Variants in CCHCR1 observed in about 807,000 individuals in gnomAD.
CCHCR1 encodes coiled-coil alpha-helical rod protein 1.
In CCHCR1, 91 loss-of-function variants were observed where a neutral mutation model predicts 114.6. That is an observed-to-expected ratio of 0.79 (90% confidence interval 0.67 to 0.94). CCHCR1 has a LOEUF of 0.94. Among genes scored for constraint, CCHCR1 ranks in the 40% least tolerant of loss-of-function variants. The pLI is 0.00. For synonymous variants in CCHCR1, 379 were observed against 428.5 expected (o/e 0.88, Z 1.43); for missense variants, 899 against 1,079.9 (o/e 0.83, Z 2.35).
chr6:31,151,237 G>A lies in CCHCR1; in HGVS notation c.802-115C>T. ...GAATGACCCAACCAATCAGCCAACTGTGCACAGCAAATGGAGAGCTGGCAA... is the reference window on the plus strand; with the variant it reads ...GAATGACCCAACCAATCAGCCAACTATGCACAGCAAATGGAGAGCTGGCAA... On this transcript the variant is annotated intron_variant, in intron 4 of 17. Coordinates refer to ENST00000396268, the MANE Select transcript of CCHCR1 (RefSeq NM_001105564.2). The surrounding 1 kb of genome is among the most constrained non-coding windows in gnomAD (Gnocchi z 4.1). 1 of 1,136,438 alleles carries A rather than the reference G, an allele frequency of 8.8e-7. No individual in the cohort carries two copies. The highest frequency in any genetic ancestry group is 1.5e-5 in the South Asian group (1 of 65,808). 70.4% of individuals were successfully genotyped at this position (1,136,438 alleles called of 1,614,324 possible).
At chr6:31,146,955 C>T (rs942956105) in intron 10 of CCHCR1, among the ~76,000 whole-genome samples, 1 of 152,082 alleles carries the variant, frequency 6.6e-6, no homozygotes, top group Non-Finnish European at 1.5e-5. Flanking sequence ...TAAATTAGTC[C>T]CTAAGGTACA....
rs372643014 is a variant in CCHCR1, at chr6:31,145,647, C to T, written c.1693+49G>A. On this transcript the variant is annotated intron_variant, in intron 11 of 17. Transcript: ENST00000396268. Reference sequence around the variant, plus strand: ...GAGCTGGGTCAGGAAGAAGAAAGTCCGAGCTGGTGGGGTGGGGGCAGGACG... The same window carrying T: ...GAGCTGGGTCAGGAAGAAGAAAGTCTGAGCTGGTGGGGTGGGGGCAGGACG... 4.3e-5 allele frequency: 65 copies of T among 1,499,448 alleles called. No individual in the cohort carries two copies. The African/African-American group carries it at 8.5e-4, about 20-fold the overall frequency. The allele number at this position is 1,499,448 out of a possible 1,614,324, so 92.9% of individuals were successfully genotyped here. A position where few individuals can be genotyped will look rare whatever the true frequency, so the allele number is the denominator to read the frequency against.
rs1063877 is a variant in CCHCR1, at chr6:31,142,475, G to A, written c.*117C>T. The A allele has an allele frequency of 4.7e-6, 4 of 849,838 alleles. No individual in the cohort carries two copies. The highest frequency in any genetic ancestry group is 4.8e-5 in the Admixed American group (2 of 41,998). The allele number at this position is 849,838 out of a possible 1,614,324, so 52.6% of individuals were successfully genotyped here. A position where few individuals can be genotyped will look rare whatever the true frequency, so the allele number is the denominator to read the frequency against. ...TCGTCTTTATTTAGAGCAGAATTCA[G>A]ACTCAGCTGGTATCCCCCAGGGCAA... On this transcript the variant is annotated 3_prime_UTR_variant, in exon 18 of 18. Coordinates refer to ENST00000396268, the MANE Select transcript of CCHCR1 (RefSeq NM_001105564.2).
At chr6:31,142,877 A>T (rs2150987234) in intron 17 of CCHCR1, 86 bp downstream of exon 17, 1 of 1,518,250 alleles carries the variant, frequency 6.6e-7, no homozygotes. Flanking sequence ...GACCGCAGAG[A>T]ACAACACTCA....
rs781530711 is a variant in CCHCR1, at chr6:31,150,543, C to T, written c.1124G>A (p.Ser375Asn). ...CAGCAGCTCCGCGGTGGCATGCAGG[C>T]TGTCCCGGTCCTCCTGCAAGTGCTG... ...TMQHLQEDRDSLHATAELLQV... is the reference protein window; with the variant it reads ...TMQHLQEDRDNLHATAELLQV... The change falls in exon 7 of 18, where the codon AGC (serine) becomes AAC (asparagine). Residue 375 changes from serine to asparagine, a missense_variant. By Grantham distance (46) the Ser-to-Asn change is conservative. Transcript: ENST00000396268. This position sits in a 1 kb window ranked among gnomAD's most constrained non-coding sequence, Gnocchi z 5.3. The T allele has an allele frequency of 1.9e-5, 31 of 1,612,078 alleles. 1 individual carries two copies. The South Asian group carries it at 3.3e-4, about 17-fold the overall frequency.
intron 17 of CCHCR1, 76 bp downstream of exon 17, chr6:31,142,887 A>C: frequency 6.5e-7 from 1 of 1,529,778 alleles, no homozygotes; most frequent in Non-Finnish European, 8.9e-7. Flanking sequence ...AACAACACTC[A>C]TCATGCGAGA....
intron 10 of CCHCR1, among the ~76,000 whole-genome samples, chr6:31,147,399 C>CA (rs9278998): frequency 0.034 from 4,273 of 126,322 alleles, 152 homozygotes; most frequent in South Asian, 0.056. Context: ...GACTCTGTCT[C>CA]AAAAAAAAAA....
intron 17 of CCHCR1, 97 bp from the exon 18 acceptor site, chr6:31,142,813 G>T: frequency 7.2e-6 from 11 of 1,533,466 alleles, no homozygotes; most frequent in Non-Finnish European, 9.7e-6. Context: ...ATGGGAGAGA[G>T]GAGGCTCTTT....
intron 1 of CCHCR1, 36 bp from the exon 2 acceptor site, chr6:31,157,125 A>G: frequency 6.5e-7 from 1 of 1,536,726 alleles, no homozygotes; most frequent in Middle Eastern, 1.7e-4. Flanking sequence ...CTCCAATTCA[A>G]TTTTCAGGCC....
In CCHCR1 at chr6:31,151,554, TCTG is replaced by T. The variant is rs1292374615; in HGVS notation, c.802-435_802-433del. Reference sequence around the variant, plus strand: ...TGCTCCCCGCTCCGGCCACGGGGAGTCTGCTGAGAACCAGACAGCGGCCCCTCC... The same window carrying T: ...TGCTCCCCGCTCCGGCCACGGGGAGTCTGAGAACCAGACAGCGGCCCCTCC... On this transcript the variant is annotated intron_variant, in intron 4 of 17. Coordinates refer to ENST00000396268, the MANE Select transcript of CCHCR1 (RefSeq NM_001105564.2). This position sits in a 1 kb window ranked among gnomAD's most constrained non-coding sequence, Gnocchi z 4.1. Among the ~76,000 whole-genome samples, 1 of 151,546 alleles carries T rather than the reference TCTG, an allele frequency of 6.6e-6. No homozygotes were observed. The highest frequency in any genetic ancestry group is 1.5e-5 in the Non-Finnish European group (1 of 67,862).
In CCHCR1 at chr6:31,144,349, C is replaced by T. The variant is rs1277869851; in HGVS notation, c.2167+338G>A. Reference sequence around the variant, plus strand: ...AGCTTGGGGTACAGGTGCCCACCACCAGGCCTAGCTAATTTTTGTATTTTT... The same window carrying T: ...AGCTTGGGGTACAGGTGCCCACCACTAGGCCTAGCTAATTTTTGTATTTTT... On this transcript the variant is annotated intron_variant, in intron 15 of 17. Transcript: ENST00000396268. The surrounding 1 kb of genome is among the most constrained non-coding windows in gnomAD (Gnocchi z 4.6). Among the ~76,000 whole-genome samples the T allele has an allele frequency of 6.6e-6, 1 of 152,070 alleles. No individual in the cohort carries two copies. Among genetic ancestry groups the T allele is most frequent in the Admixed American group, 6.6e-5 (1 of 15,262 alleles).
chr6:31,150,797 C>G lies in CCHCR1; in HGVS notation c.1029G>C (p.Gly343=). 6.2e-7 allele frequency: 1 copy of G among 1,613,068 alleles called. No individual in the cohort carries two copies. The highest frequency in any genetic ancestry group is 8.5e-7 in the Non-Finnish European group (1 of 1,180,020). ...TGTGGACCTCAGAAGGCACTTGTTC[C>G]CCAACATATTTTCTTAGATTCTCAA... ...TLVENLRKYV[G]EQVPSEVHSQ... is the part of the protein sequence containing the mutation. Residue 343 remains glycine, a synonymous_variant, in exon 6 of 18, where the codon GGG becomes GGC. Coordinates refer to ENST00000396268, the MANE Select transcript of CCHCR1 (RefSeq NM_001105564.2). The surrounding 1 kb of genome is among the most constrained non-coding windows in gnomAD (Gnocchi z 5.3).
At position 31,143,156 on chromosome 6, in the gene CCHCR1, C is replaced by T. The variant is rs201249201; in HGVS notation, c.2320-22G>A. ...TGGCCTGGGAAGGAGAGGGTTAAAC[C>T]TAGCCCGGATAGAGCCTCCCTCACC... is the stretch of plus-strand genomic sequence containing the variant. On this transcript the variant is annotated intron_variant, in intron 16 of 17. Transcript: ENST00000396268. This position sits in a 1 kb window ranked among gnomAD's most constrained non-coding sequence, Gnocchi z 5.3. 3.7e-5 allele frequency: 59 copies of T among 1,611,960 alleles called. No individual in the cohort carries two copies. The highest frequency in any genetic ancestry group is 4.2e-5 in the Non-Finnish European group (50 of 1,179,498).
chr6:31,154,884 A>G lies in CCHCR1; in HGVS notation c.498-85T>C. 7.7e-7 allele frequency: 1 copy of G among 1,295,754 alleles called. No individual in the cohort carries two copies. Among genetic ancestry groups the G allele is most frequent in the Middle Eastern group, 2.7e-4 (1 of 3,692 alleles). The allele number at this position is 1,295,754 out of a possible 1,614,324, so 80.3% of individuals were successfully genotyped here. On this transcript the variant is annotated intron_variant, in intron 3 of 17. Coordinates refer to ENST00000396268, the MANE Select transcript of CCHCR1 (RefSeq NM_001105564.2). This position sits in a 1 kb window ranked among gnomAD's most constrained non-coding sequence, Gnocchi z 4.1. ...GCATAAACATAGCCAGGAGAAGGAA[A>G]AGAGGACCCCTCTGCTTCCGTGTGG...
rs774151452 is a variant in CCHCR1, at chr6:31,144,721, C to A, written c.2133G>T (p.Arg711Ser). Reference protein sequence around the residue: ...LREQLSDTERRLNEARREHAK... With the variant: ...LREQLSDTERSLNEARREHAK... ...CATGCTCCCTCCGAGCCTCGTTCAG[C>A]CTCCTCTCTGTGTCTGAGAGTTGCT... The change falls in exon 15 of 18, where the codon AGG (arginine) becomes AGT (serine). Residue 711 changes from arginine (R) to serine (S), a missense_variant. By Grantham distance (110) the Arg-to-Ser change is moderately radical. Coordinates refer to ENST00000396268, the MANE Select transcript of CCHCR1 (RefSeq NM_001105564.2). This position sits in a 1 kb window ranked among gnomAD's most constrained non-coding sequence, Gnocchi z 4.6. 1.3e-5 allele frequency: 21 copies of A among 1,613,268 alleles called. No individual in the cohort carries two copies. The highest frequency in any genetic ancestry group is 1.6e-4 in the Middle Eastern group (1 of 6,062).
Position 31,151,209 on chromosome 6 carries a change from A to T in CCHCR1, c.802-87T>A. 2 of 1,433,906 alleles carry T rather than the reference A, an allele frequency of 1.4e-6. No individual in the cohort carries two copies. Among genetic ancestry groups the T allele is most frequent in the Non-Finnish European group, 1.9e-6 (2 of 1,062,148 alleles). The allele number at this position is 1,433,906 out of a possible 1,614,324, so 88.8% of individuals were successfully genotyped here. ...CTTCACTCCCACTTTCTGTGACCTT[A>T]GAGAATGACCCAACCAATCAGCCAA... On this transcript the variant is annotated intron_variant, in intron 4 of 17. Coordinates refer to ENST00000396268, the MANE Select transcript of CCHCR1 (RefSeq NM_001105564.2). This position sits in a 1 kb window ranked among gnomAD's most constrained non-coding sequence, Gnocchi z 4.1.
In CCHCR1 at chr6:31,150,316, TAC is replaced by T; in HGVS notation, c.1213-103_1213-102del. The T allele has an allele frequency of 2.1e-6, 3 of 1,422,140 alleles. No homozygotes were observed. The South Asian group carries it at 3.6e-5, about 17-fold the overall frequency. The allele number at this position is 1,422,140 out of a possible 1,614,324, so 88.1% of individuals were successfully genotyped here. ...TCTGTCCTGCCTGGGCAACATGAGC[TAC>T]AGCAAGAGGAGTTCACAGGAAGGAG... On this transcript the variant is annotated intron_variant, in intron 7 of 17. Coordinates refer to ENST00000396268, the MANE Select transcript of CCHCR1 (RefSeq NM_001105564.2). The surrounding 1 kb of genome is among the most constrained non-coding windows in gnomAD (Gnocchi z 5.3).
chr6:31,151,150 AG>A lies in CCHCR1; in HGVS notation c.802-29del. On this transcript the variant is annotated intron_variant, in intron 4 of 17. Coordinates refer to ENST00000396268, the MANE Select transcript of CCHCR1 (RefSeq NM_001105564.2). The surrounding 1 kb of genome is among the most constrained non-coding windows in gnomAD (Gnocchi z 4.1). ...GCGGAAAGAAGAGGGGGCTCAGCAG[AG>A]GCTCGACCCCACATGGAGGCCTTCC... The A allele has an allele frequency of 6.2e-7, 1 of 1,600,130 alleles. No homozygotes were observed. The highest frequency in any genetic ancestry group is 8.5e-7 in the Non-Finnish European group (1 of 1,174,176).
Position 31,143,286 on chromosome 6 carries a change from T to G in CCHCR1, c.2295A>C (p.Leu765=). ...GQRLARRLQE[L]ERDKNLMLAT... is the part of the protein sequence containing the mutation. ...CCAGCATGAGGTTCTTATCCCTCTCTAGCTCCTGCAAGCGCCGGGCCAGTC... is the reference window on the plus strand; with the variant it reads ...CCAGCATGAGGTTCTTATCCCTCTCGAGCTCCTGCAAGCGCCGGGCCAGTC... Residue 765 remains leucine (L), a synonymous_variant, in exon 16 of 18, where the codon CTA becomes CTC. Coordinates refer to ENST00000396268, the MANE Select transcript of CCHCR1 (RefSeq NM_001105564.2). This position sits in a 1 kb window ranked among gnomAD's most constrained non-coding sequence, Gnocchi z 5.3. 1 of 1,612,816 alleles carries G rather than the reference T, an allele frequency of 6.2e-7. No homozygotes were observed. Among genetic ancestry groups the G allele is most frequent in the Non-Finnish European group, 8.5e-7 (1 of 1,180,022 alleles).
Sources: gnomAD v4.1 joint callset for allele counts (sites outside exome capture counted in the v4.1 genomes callset) on GRCh38, gnomAD v4.1.1 for gene constraint, Gnocchi (gnomAD v3.1) non-coding constraint, MANE v1.5 for transcripts, NCBI Gene and HGNC (gene_info 2026-07-23, HGNC 2026-07-21) for gene names.